TMEM232: variants seen among roughly 807,000 people sequenced by gnomAD.
TMEM232 encodes transmembrane protein 232.
Under a neutral mutation model 78.8 loss-of-function variants are expected in TMEM232, and 80 were observed. That is an observed-to-expected ratio of 1.01 (90% CI 0.85 to 1.22). The LOEUF (loss-of-function observed/expected upper bound fraction) is 1.22. TMEM232 is among the 50% of genes most tolerant of loss of function. TMEM232 has a pLI of 0.00. For missense variants in TMEM232, 881 were observed against 742.2 expected, an observed-to-expected ratio of 1.19 and a Z score of -2.17; for synonymous variants, 297 against 254.3, an observed-to-expected ratio of 1.17 and a Z score of -1.60.
chr5:110,716,591 A>C (rs1797039428), intron 1 of TMEM232, among the ~76,000 whole-genome samples: 1 of 152,134 alleles, frequency 6.6e-6, no homozygotes, highest in Admixed American at 6.6e-5. Flanking sequence ...ATCTGACAGG[A>C]GGTAGAGCTC....
At chr5:110,549,836 A>G (rs1774244136) in intron 11 of TMEM232, among the ~76,000 whole-genome samples, 1 of 152,136 alleles carries the variant, frequency 6.6e-6, no homozygotes, top group African/African-American at 2.4e-5. Flanking sequence ...TTAGTCCACA[A>G]TTTAAAATCT....
intron 10 of TMEM232, among the ~76,000 whole-genome samples, chr5:110,582,790 A>G (rs1401795316): frequency 6.6e-6 from 1 of 152,052 alleles, no homozygotes; most frequent in Non-Finnish European, 1.5e-5. Context: ...AGTGCGTTAA[A>G]ACCAATAAAG....
intron 13 of TMEM232, 136 bp downstream of exon 13, chr5:110,424,687 C>G: frequency 2.9e-6 from 2 of 689,960 alleles, no homozygotes; most frequent in Non-Finnish European, 4.8e-6. Flanking sequence ...AGATATAATT[C>G]AGTTTGGCAA....
chr5:110,686,248 C>A (rs111225868), intron 1 of TMEM232, among the ~76,000 whole-genome samples: 17 of 152,076 alleles, frequency 1.1e-4, no homozygotes, highest in African/African-American at 4.1e-4. Context: ...ACTTCAGAGG[C>A]CAAACTACTA....
At chr5:110,737,756 C>A (rs1799340328) in intron 1 of TMEM232, among the ~76,000 whole-genome samples, 1 of 151,992 alleles carries the variant, frequency 6.6e-6, no homozygotes, top group Non-Finnish European at 1.5e-5. Flanking sequence ...ATTGTTTAAA[C>A]CATGTTAAAA....
At chr5:110,738,266 C>T (rs561382818), upstream of TMEM232, 8 of 1,281,652 alleles carry the variant, frequency 6.2e-6, no homozygotes, top group African/African-American at 1.2e-4. Context: ...GGACGCTCTA[C>T]AGTAGTCCTC....
intron 11 of TMEM232, among the ~76,000 whole-genome samples, chr5:110,555,838 A>G (rs1009926953): frequency 6.6e-6 from 1 of 152,042 alleles, no homozygotes; most frequent in Non-Finnish European, 1.5e-5. Context: ...TTATTTTCGT[A>G]TTGCTTCATA....
At chr5:110,524,415 G>GAA (rs141511695) in intron 12 of TMEM232, among the ~76,000 whole-genome samples, 1 of 62,818 alleles carries the variant, frequency 1.6e-5, no homozygotes, top group Non-Finnish European at 3.7e-5. Context: ...AAGAAAGAAA[G>GAA]AAAAGAAAAG....
intron 11 of TMEM232, among the ~76,000 whole-genome samples, chr5:110,543,792 G>T (rs1773453413): frequency 6.6e-6 from 1 of 152,038 alleles, no homozygotes; most frequent in South Asian, 2.1e-4. Context: ...CCTCTGCCAT[G>T]CCAAAACAGT....
Position 110,524,359 on chromosome 5 carries a change from GA to G in TMEM232, c.1703+4228del, listed in dbSNP as rs763743820. Among the ~76,000 whole-genome samples the G allele has an allele frequency of 3.8e-4, 34 of 90,106 alleles. No individual in the cohort carries two copies. The East Asian group carries it at 4.0e-3, about 11-fold the overall frequency. The allele number at this position is 90,106 out of a possible 152,430, so 59.1% of individuals were successfully genotyped here. On this transcript the variant is annotated intron_variant, in intron 12 of 13. Coordinates refer to ENST00000455884, the MANE Select transcript of TMEM232 (RefSeq NM_001039763.4). ...AGAAAAAGAAAGAGAAAGAAAGAAAGAAAAAAAGAAAGAAAGAAAGAAAGAA... is the reference window on the plus strand; with the variant it reads ...AGAAAAAGAAAGAGAAAGAAAGAAAGAAAAAAGAAAGAAAGAAAGAAAGAA...
intron 2 of TMEM232, among the ~76,000 whole-genome samples, chr5:110,409,059 ACTCAG>A (rs1470907693): frequency 6.6e-6 from 1 of 152,200 alleles, no homozygotes; most frequent in Non-Finnish European, 1.5e-5. Flanking sequence ...TAACCAATAA[ACTCAG>A]TAACAACATG....
At chr5:110,435,034 C>T (rs1342915648) in intron 12 of TMEM232, among the ~76,000 whole-genome samples, 5 of 151,842 alleles carry the variant, frequency 3.3e-5, no homozygotes, top group African/African-American at 1.2e-4. Flanking sequence ...ACAAGAATGT[C>T]CACTCTCAGC....
At chr5:110,473,772 A>G (rs991268157) in intron 12 of TMEM232, among the ~76,000 whole-genome samples, 1 of 150,332 alleles carries the variant, frequency 6.7e-6, no homozygotes, top group South Asian at 2.1e-4. Flanking sequence ...TAAAGAAAAT[A>G]TAATATATAT....
chr5:110,450,917 C>T (rs971198645), intron 12 of TMEM232, among the ~76,000 whole-genome samples: 3 of 152,066 alleles, frequency 2.0e-5, no homozygotes, highest in African/African-American at 2.4e-5. Context: ...CTTCGAAGGC[C>T]AAGAGGACAG....
At chr5:110,727,001 G>A (rs1798217603), upstream of TMEM232, among the ~76,000 whole-genome samples, 2 of 152,216 alleles carry the variant, frequency 1.3e-5, no homozygotes, top group South Asian at 4.2e-4. Context: ...ACCAAAAGTA[G>A]CTATGTCTTT....
At chr5:110,693,658 C>T (rs561213853) in intron 1 of TMEM232, among the ~76,000 whole-genome samples, 2 of 152,268 alleles carry the variant, frequency 1.3e-5, no homozygotes, top group South Asian at 4.1e-4. Flanking sequence ...GTGACGAATC[C>T]ACAAGCCTCA....
chr5:110,667,451 A>G, intron 1 of TMEM232, 87 bp from the exon 2 acceptor site: 1 of 1,058,312 alleles, frequency 9.4e-7, no homozygotes, highest in East Asian at 3.0e-5. Flanking sequence ...TTTTTGGAAA[A>G]GAATAGCAAG....
chr5:110,492,239 A>T (rs1056531377), intron 12 of TMEM232, among the ~76,000 whole-genome samples: 1 of 151,854 alleles, frequency 6.6e-6, no homozygotes, highest in East Asian at 1.9e-4. Flanking sequence ...CTTAGATAAT[A>T]AAAGCACATA....
chr5:110,721,869 A>G (rs930766098), intron 1 of TMEM232, among the ~76,000 whole-genome samples: 10 of 151,596 alleles, frequency 6.6e-5, no homozygotes, highest in African/African-American at 2.4e-4. Flanking sequence ...AAGGAATCTT[A>G]GAAGAAGCAG....
Sources: gnomAD v4.1 joint callset for allele counts (sites outside exome capture counted in the v4.1 genomes callset) on GRCh38, gnomAD v4.1.1 for gene constraint, MANE v1.5 for transcripts, NCBI Gene and HGNC (gene_info 2026-07-23, HGNC 2026-07-21) for gene names.